KCNJ12: variants seen among roughly 807,000 people sequenced by gnomAD.
The protein encoded by KCNJ12 is potassium inwardly rectifying channel subfamily J member 12.
A neutral mutation model predicts 22.3 loss-of-function variants in KCNJ12; 2 were observed. The ratio of observed to expected loss-of-function variants is 0.09; its 90% confidence interval spans 0.04 to 0.28. The LOEUF is 0.28. KCNJ12 is among the 10% of genes least tolerant of loss of function. The pLI, the probability that KCNJ12 is intolerant of heterozygous loss-of-function variation, is 1.00. For missense variants in KCNJ12, 155 were observed against 633.3 expected, an observed-to-expected ratio of 0.24 and a Z score of 8.11; for synonymous variants, 117 against 261.4, an observed-to-expected ratio of 0.45 and a Z score of 5.33.
intron 1 of KCNJ12, among the ~76,000 whole-genome samples, chr17:21,382,055 T>C (rs1555557993): frequency 6.6e-6 from 1 of 152,230 alleles, no homozygotes; most frequent in Non-Finnish European, 1.5e-5. Context: ...AGAGCTGGAT[T>C]CTGACCTTTT....
chr17:21,416,761 C>G lies in KCNJ12; in HGVS notation c.*117C>G. ...GTGCCCTGGGTTGCAGACTCAGTAG[C>G]GTTTTAGTCGTTTTATGTTTCTTTG... On this transcript the variant is annotated 3_prime_UTR_variant, in exon 3 of 3. Transcript: ENST00000583088. 5.6e-6 allele frequency: 8 copies of G among 1,418,558 alleles called. No individual in the cohort carries two copies. Among genetic ancestry groups the G allele is most frequent in the Non-Finnish European group, 6.5e-6 (7 of 1,071,022 alleles). The allele number at this position is 1,418,558 out of a possible 1,614,324, so 87.9% of individuals were successfully genotyped here. A position where few individuals can be genotyped will look rare whatever the true frequency, so the allele number is the denominator to read the frequency against.
chr17:21,383,994 C>A (rs953442881), intron 1 of KCNJ12, among the ~76,000 whole-genome samples: 21 of 152,090 alleles, frequency 1.4e-4, no homozygotes, highest in African/African-American at 4.6e-4. Context: ...ATTTCTCCTC[C>A]TCACCCCCTG....
chr17:21,408,872 A>G (rs1295754827), intron 2 of KCNJ12, among the ~76,000 whole-genome samples: 2 of 152,274 alleles, frequency 1.3e-5, no homozygotes, highest in South Asian at 2.1e-4. Context: ...CATCTGCTCA[A>G]CCATCCATCC....
chr17:21,407,313 C>T lies in KCNJ12; in HGVS notation c.-178-1206C>T, dbSNP rs1305063977. On this transcript the variant is annotated intron_variant, in intron 1 of 2. Coordinates refer to ENST00000583088, the MANE Select transcript of KCNJ12 (RefSeq NM_021012.5). ...TCATCCACCTGTCCATCTATCCACC[C>T]ATCCACTCATCCACTCATTCACTCC... 1.6e-4 allele frequency among the ~76,000 whole-genome samples: 24 copies of T among 152,394 alleles called. No individual in the cohort carries two copies. The South Asian group carries it at 5.0e-3, about 32-fold the overall frequency.
chr17:21,415,117 C>G (rs1597584638), intron 2 of KCNJ12, among the ~76,000 whole-genome samples, 170 bp from the exon 3 acceptor site: 2 of 152,292 alleles, frequency 1.3e-5, no homozygotes, highest in Admixed American at 6.5e-5. Context: ...AAGGGGGTGG[C>G]CATTCGCACT....
chr17:21,397,516 C>T (rs948504210), intron 1 of KCNJ12, among the ~76,000 whole-genome samples: 4 of 152,238 alleles, frequency 2.6e-5, no homozygotes, highest in Admixed American at 6.5e-5. Flanking sequence ...GTCGTCCTCC[C>T]GCCCGGCAGA....
At position 21,416,821 on chromosome 17, in the gene KCNJ12, G is replaced by A; in HGVS notation, c.*177G>A. 2 of 1,173,292 alleles carry A rather than the reference G, an allele frequency of 1.7e-6. No individual in the cohort carries two copies. The highest frequency in any genetic ancestry group is 2.4e-6 in the Non-Finnish European group (2 of 850,042). 72.7% of individuals were successfully genotyped at this position (1,173,292 alleles called of 1,614,324 possible). A position where few individuals can be genotyped will look rare whatever the true frequency, so the allele number is the denominator to read the frequency against. On this transcript the variant is annotated 3_prime_UTR_variant, in exon 3 of 3. Coordinates refer to ENST00000583088, the MANE Select transcript of KCNJ12 (RefSeq NM_021012.5). ...CAGAAGTTTGGCCGGAGAGGGGGCA[G>A]CCAGAGCGGCAGCCCCCGGCCTCAG...
intron 1 of KCNJ12, among the ~76,000 whole-genome samples, chr17:21,378,604 G>T (rs1597549185): frequency 6.6e-6 from 1 of 152,130 alleles, no homozygotes; most frequent in Non-Finnish European, 1.5e-5. Flanking sequence ...GGGCCACAGG[G>T]ACACCCCTCT....
intron 1 of KCNJ12, among the ~76,000 whole-genome samples, chr17:21,397,676 A>G (rs1905415859): frequency 6.6e-6 from 1 of 152,196 alleles, no homozygotes. Flanking sequence ...TGTGGCCCAG[A>G]GTCCACTGGT....
intron 1 of KCNJ12, among the ~76,000 whole-genome samples, chr17:21,377,657 TG>T (rs1904713386): frequency 6.6e-6 from 1 of 151,866 alleles, no homozygotes; most frequent in African/African-American, 2.4e-5. Context: ...CAGAGACAGC[TG>T]GGGTGGGGCG....
chr17:21,392,393 G>A (rs555104875), intron 1 of KCNJ12, among the ~76,000 whole-genome samples: 9 of 152,356 alleles, frequency 5.9e-5, no homozygotes, highest in African/African-American at 1.4e-4. Flanking sequence ...TCTGGCCACC[G>A]CAGCAAGGAG....
rs1555562904 is a variant in KCNJ12 at position 21,416,422 on chromosome 17, G to A, written c.1080G>A (p.Lys360=). 2.5e-6 allele frequency: 4 copies of A among 1,614,060 alleles called. No homozygotes were observed. The highest frequency in any genetic ancestry group is 3.4e-6 in the Non-Finnish European group (4 of 1,180,058). Residue 360 remains lysine (K), a synonymous_variant, in exon 3 of 3, where the codon AAG becomes AAA. Transcript: ENST00000583088. ...EVPSTPRCSA[K]DLVENKFLLP... ...CCTCTACGCCCCGCTGCAGTGCGAA[G>A]GATCTGGTAGAGAACAAGTTCCTGC...
intron 1 of KCNJ12, among the ~76,000 whole-genome samples, chr17:21,383,080 G>A (rs1904935195): frequency 6.6e-6 from 1 of 152,150 alleles, no homozygotes; most frequent in South Asian, 2.1e-4. Context: ...GGAGGGGCCG[G>A]GGAGAAGGGA....
At chr17:21,378,859 A>G (rs1232979460) in intron 1 of KCNJ12, among the ~76,000 whole-genome samples, 1 of 152,046 alleles carries the variant, frequency 6.6e-6, no homozygotes, top group Non-Finnish European at 1.5e-5. Flanking sequence ...TCAAAACCCC[A>G]TAAGGTTTCC....
At chr17:21,414,595 T>C (rs1414502326) in intron 2 of KCNJ12, among the ~76,000 whole-genome samples, 1 of 152,296 alleles carries the variant, frequency 6.6e-6, no homozygotes, top group Non-Finnish European at 1.5e-5. Flanking sequence ...GCTGCCGCCA[T>C]TGTGCCCTTA....
chr17:21,414,939 G>C (rs1906607913), intron 2 of KCNJ12, among the ~76,000 whole-genome samples: 1 of 152,308 alleles, frequency 6.6e-6, no homozygotes, highest in African/African-American at 2.4e-5. Context: ...GCCATGGGCA[G>C]AGGCAGAGAG....
At chr17:21,400,966 G>C (rs1376189612) in intron 1 of KCNJ12, among the ~76,000 whole-genome samples, 9 of 152,310 alleles carry the variant, frequency 5.9e-5, no homozygotes, top group Non-Finnish European at 1.2e-4. Context: ...ATTGCTATAG[G>C]GCCTGGGGTG....
Position 21,418,284 on chromosome 17 carries a change from C to T in KCNJ12, c.*1640C>T, listed in dbSNP as rs565879417. The T allele has an allele frequency of 7.0e-6, 1 of 143,628 alleles. No individual in the cohort carries two copies. The highest frequency in any genetic ancestry group is 4.3e-5 in the African/African-American group (1 of 23,372). 8.9% of individuals were successfully genotyped at this position (143,628 alleles called of 1,614,324 possible). On this transcript the variant is annotated 3_prime_UTR_variant, in exon 3 of 3. Transcript: ENST00000583088. Reference sequence around the variant, plus strand: ...ATGTGTCTCCTGCTCCAACTCTGCCCCCGAGACAGCTCAGAGCCAGAAGGC... The same window carrying T: ...ATGTGTCTCCTGCTCCAACTCTGCCTCCGAGACAGCTCAGAGCCAGAAGGC...
intron 2 of KCNJ12, among the ~76,000 whole-genome samples, chr17:21,410,963 G>A (rs4021093): frequency 3.3e-5 from 5 of 152,286 alleles, no homozygotes; most frequent in African/African-American, 9.6e-5. Flanking sequence ...TTCGTGCCTC[G>A]TGAGGCGCCC....
Sources: allele counts gnomAD v4.1 joint callset (sites outside exome capture counted in the v4.1 genomes callset), GRCh38; gene constraint gnomAD v4.1.1; transcripts MANE v1.5; gene names NCBI Gene and HGNC (gene_info 2026-07-23, HGNC 2026-07-21).